Variants in DCDC1 observed in about 807,000 individuals in gnomAD.
DCDC1 encodes doublecortin domain containing 1.
DCDC1 carries 200 observed loss-of-function variants against 178.3 expected under a neutral mutation model. The ratio of observed to expected loss-of-function variants is 1.12; its 90% CI spans 1.00 to 1.26. DCDC1 has a LOEUF of 1.26. Among genes scored for constraint, DCDC1 ranks in the 50% most tolerant of loss-of-function variants. DCDC1 has a pLI of 0.00. For missense variants in DCDC1, 1,983 were observed against 1,749.2 expected, an observed-to-expected ratio of 1.13 and a Z score of -2.38; for synonymous variants, 690 against 604.8, an observed-to-expected ratio of 1.14 and a Z score of -2.07.
intron 20 of DCDC1, among the ~76,000 whole-genome samples, chr11:31,034,821 T>A (rs1232749114): frequency 1.3e-5 from 2 of 152,228 alleles, no homozygotes; most frequent in African/African-American, 4.8e-5. Context: ...CTGATTGGCA[T>A]TTTTGTTAAT....
intron 36 of DCDC1, among the ~76,000 whole-genome samples, chr11:30,885,230 C>T (rs1943054140): frequency 1.4e-5 from 2 of 147,716 alleles, no homozygotes; most frequent in Admixed American, 6.8e-5. Context: ...TCAAATTTTA[C>T]ACCAGAAAAA....
chr11:31,137,204 A>G lies in DCDC1; in HGVS notation c.1314+488T>C, dbSNP rs572802912. ...TTTTGATTTATTCTTTCAAGTATAC[A>G]ATTACTTTTCATGCTGTCTATATCA... On this transcript the variant is annotated intron_variant, in intron 10 of 38. Transcript: ENST00000684477. Among the ~76,000 whole-genome samples, 12 of 152,282 alleles carry G rather than the reference A, an allele frequency of 7.9e-5. No individual in the cohort carries two copies. In the East Asian group the frequency reaches 2.1e-3, roughly 27 times the overall value.
chr11:31,047,115 T>C (rs1438506233), intron 20 of DCDC1, among the ~76,000 whole-genome samples: 1 of 152,170 alleles, frequency 6.6e-6, no homozygotes, highest in Non-Finnish European at 1.5e-5. Context: ...TTGAGTCTTA[T>C]TATTTAACTT....
intron 9 of DCDC1, among the ~76,000 whole-genome samples, chr11:31,164,752 T>C (rs1410341629): frequency 3.3e-5 from 5 of 152,120 alleles, no homozygotes; most frequent in East Asian, 1.9e-4. Context: ...TATAAAATTG[T>C]TTTAATAATT....
At chr11:31,125,782 T>C (rs1384163327) in intron 11 of DCDC1, among the ~76,000 whole-genome samples, 3 of 151,526 alleles carry the variant, frequency 2.0e-5, no homozygotes, top group Non-Finnish European at 4.4e-5. Context: ...TCAGGGGCGG[T>C]TGGGTGGGGG....
At chr11:31,102,968 C>T (rs776142380) in intron 14 of DCDC1, among the ~76,000 whole-genome samples, 8 of 152,218 alleles carry the variant, frequency 5.3e-5, no homozygotes. Context: ...CTCTTTGTGC[C>T]TTGGTTTCTG....
Position 31,121,366 on chromosome 11 carries a change from A to G in DCDC1, c.1485+6103T>C, listed in dbSNP as rs182110523. ...GTTATGTTTCCATTTTTTTTTAAAC[A>G]AGGAACTTTCCTATGGCAGAAATGA... On this transcript the variant is annotated intron_variant, in intron 11 of 38. Coordinates refer to ENST00000684477, the MANE Select transcript of DCDC1 (RefSeq NM_001387274.1). Among the ~76,000 whole-genome samples the G allele has an allele frequency of 2.8e-3, 414 of 150,022 alleles. 1 individual carries two copies. The highest frequency in any genetic ancestry group is 3.8e-3 in the Non-Finnish European group (259 of 67,654).
intron 6 of DCDC1, among the ~76,000 whole-genome samples, chr11:31,293,771 T>C (rs1450570294): frequency 1.3e-5 from 2 of 152,222 alleles, no homozygotes; most frequent in African/African-American, 4.8e-5. Context: ...ACAGAGGCAT[T>C]AACTTGCCCA....
chr11:30,906,289 A>C (rs573916138), intron 30 of DCDC1: 2 of 383,454 alleles, frequency 5.2e-6, no homozygotes, highest in Non-Finnish European at 9.4e-6. Flanking sequence ...ACAGTGAAAT[A>C]TGTCAGTAAA....
At chr11:31,331,631 A>G (rs1346287203) in intron 2 of DCDC1, among the ~76,000 whole-genome samples, 1 of 152,148 alleles carries the variant, frequency 6.6e-6, no homozygotes, top group Non-Finnish European at 1.5e-5. Flanking sequence ...GCATCTATTG[A>G]GATAATCGTG....
In DCDC1 at chr11:30,903,534, C is replaced by T; in HGVS notation, c.4458G>A (p.Lys1486=). Residue 1486 remains lysine (K), a synonymous_variant, in exon 32 of 39, where the codon AAG becomes AAA. Coordinates refer to ENST00000684477, the MANE Select transcript of DCDC1 (RefSeq NM_001387274.1). ...SFLQRDSEKQ[K]QDAAPVGKEQ... is the part of the protein sequence containing the mutation. ...CTTTTCCAACAGGAGCTGCATCTTG[C>T]TTTTGTTTCTCAGAGTCTCTCTGGA... 1 of 1,606,046 alleles carries T rather than the reference C, an allele frequency of 6.2e-7. No homozygotes were observed.
intron 34 of DCDC1, among the ~76,000 whole-genome samples, chr11:30,894,779 C>A (rs1027667647): frequency 6.6e-6 from 1 of 152,122 alleles, no homozygotes; most frequent in African/African-American, 2.4e-5. Flanking sequence ...TAAGCCTTTC[C>A]CCCACAATTA....
intron 32 of DCDC1, among the ~76,000 whole-genome samples, chr11:30,900,918 G>T (rs1029002091): frequency 6.6e-6 from 1 of 151,894 alleles, no homozygotes. Flanking sequence ...TTTTTTAAAA[G>T]AACAAAGTAA....
At chr11:31,110,559 A>G (rs1275971662) in intron 11 of DCDC1, among the ~76,000 whole-genome samples, 198 bp from the exon 12 acceptor site, 1 of 152,170 alleles carries the variant, frequency 6.6e-6, no homozygotes. Context: ...AATGGAATCA[A>G]CAGCACTAAA....
intron 10 of DCDC1, among the ~76,000 whole-genome samples, chr11:31,137,035 T>G (rs951064412): frequency 6.6e-6 from 1 of 152,186 alleles, no homozygotes; most frequent in Non-Finnish European, 1.5e-5. Flanking sequence ...CAGCAAGATA[T>G]AGTATTTATC....
At chr11:30,961,804 T>C (rs530515537) in intron 20 of DCDC1, among the ~76,000 whole-genome samples, 1 of 152,154 alleles carries the variant, frequency 6.6e-6, no homozygotes, top group East Asian at 1.9e-4. Flanking sequence ...ATAGTAATAA[T>C]GACTTACTTT....
intron 1 of DCDC1, among the ~76,000 whole-genome samples, chr11:31,361,513 G>C (rs1951707913): frequency 1.3e-5 from 2 of 151,762 alleles, no homozygotes; most frequent in Admixed American, 1.3e-4. Flanking sequence ...CAAGAGTCTT[G>C]CCCTGTTGCC....
intron 3 of DCDC1, among the ~76,000 whole-genome samples, chr11:31,323,596 AAG>A (rs1309093463): frequency 1.3e-5 from 2 of 152,064 alleles, no homozygotes; most frequent in African/African-American, 4.8e-5. Flanking sequence ...AACCTTCCTG[AAG>A]AGTTTTTTTT....
At chr11:31,178,689 C>T (rs868198350) in intron 9 of DCDC1, among the ~76,000 whole-genome samples, 10 of 151,982 alleles carry the variant, frequency 6.6e-5, no homozygotes, top group Admixed American at 1.3e-4. Context: ...AACAAAATAA[C>T]GCAATTTTTC....
Sources: gnomAD v4.1 joint callset for allele counts (sites outside exome capture counted in the v4.1 genomes callset) on GRCh38, gnomAD v4.1.1 for gene constraint, MANE v1.5 for transcripts, NCBI Gene and HGNC (gene_info 2026-07-23, HGNC 2026-07-21) for gene names.